EPHB2: variants seen among roughly 807,000 people sequenced by gnomAD.
EPHB2 encodes EPH receptor B2.
In EPHB2, 18 loss-of-function variants were observed where a neutral mutation model predicts 96.4. That is an observed-to-expected ratio of 0.19 (90% CI 0.13 to 0.28). The LOEUF (loss-of-function observed/expected upper bound fraction) is 0.28. Among genes scored for constraint, EPHB2 ranks in the 10% least tolerant of loss-of-function variants. EPHB2 has a pLI of 1.00. For missense variants in EPHB2, 989 were observed against 1,355.4 expected, an observed-to-expected ratio of 0.73 and a Z score of 4.25; for synonymous variants, 506 against 534.1, an observed-to-expected ratio of 0.95 and a Z score of 0.72.
At chr1:22,729,225 C>G (rs1390510191) in intron 1 of EPHB2, among the ~76,000 whole-genome samples, 1 of 152,194 alleles carries the variant, frequency 6.6e-6, no homozygotes, top group Non-Finnish European at 1.5e-5. Flanking sequence ...TGGAATGCCC[C>G]ATTCCGAGGG....
intron 1 of EPHB2, among the ~76,000 whole-genome samples, chr1:22,760,401 G>A (rs1644218747): frequency 6.6e-6 from 1 of 152,146 alleles, no homozygotes; most frequent in Admixed American, 6.5e-5. Context: ...TTTAAGGACA[G>A]GGACAACTCT....
Position 22,790,901 on chromosome 1 carries a change from CCT to C in EPHB2, c.811+5828_811+5829del, listed in dbSNP as rs1298093960. 3.3e-5 allele frequency among the ~76,000 whole-genome samples: 5 copies of C among 152,208 alleles called. No homozygotes were observed. The highest frequency in any genetic ancestry group is 5.9e-5 in the Non-Finnish European group (4 of 68,032). Reference sequence around the variant, plus strand: ...GCTGGGTTTCTCCTCCCAGCCTCTCCCTCTTGTCTGCCCTGCCCTGCTGTGCA... The same window carrying C: ...GCTGGGTTTCTCCTCCCAGCCTCTCCCTTGTCTGCCCTGCCCTGCTGTGCA... On this transcript the variant is annotated intron_variant, in intron 3 of 15. Coordinates refer to ENST00000374630, the MANE Select transcript of EPHB2 (RefSeq NM_017449.5). The surrounding 1 kb of genome is among the most constrained non-coding windows in gnomAD (Gnocchi z 4.0).
intron 3 of EPHB2, among the ~76,000 whole-genome samples, chr1:22,841,180 T>C (rs1171705238): frequency 1.3e-5 from 2 of 152,180 alleles, no homozygotes; most frequent in Non-Finnish European, 2.9e-5. Context: ...GCTCTAATCA[T>C]GGTATTAGTA....
intron 1 of EPHB2, among the ~76,000 whole-genome samples, chr1:22,721,957 GT>G (rs1170794314): frequency 1.3e-5 from 2 of 152,048 alleles, no homozygotes; most frequent in Non-Finnish European, 2.9e-5. Context: ...ACTGGTTTTT[GT>G]TTTGTTTTGT....
chr1:22,736,083 C>T lies in EPHB2; in HGVS notation c.61+25040C>T, dbSNP rs1286694223. Among the ~76,000 whole-genome samples the T allele has an allele frequency of 1.1e-4, 16 of 152,180 alleles. 1 individual carries two copies. The highest frequency in any genetic ancestry group is 1.0e-3 in the Admixed American group (16 of 15,280). On this transcript the variant is annotated intron_variant, in intron 1 of 15. Coordinates refer to ENST00000374630, the MANE Select transcript of EPHB2 (RefSeq NM_017449.5). ...ATAAATAGCACTAAGAGACATGTGG[C>T]CCTGTCCCTGGCCCAAAGGTAGTGC...
chr1:22,779,208 C>G (rs371887176), intron 1 of EPHB2, among the ~76,000 whole-genome samples: 8 of 152,192 alleles, frequency 5.3e-5, no homozygotes, highest in African/African-American at 4.8e-5. Context: ...GAAAAGGAAC[C>G]CTTTTTTCAG....
At position 22,757,863 on chromosome 1, in the gene EPHB2, C is replaced by T. The variant is rs533604749; in HGVS notation, c.62-23558C>T. 2.0e-4 allele frequency among the ~76,000 whole-genome samples: 4 copies of T among 20,300 alleles called. No homozygotes were observed. In the South Asian group the frequency reaches 0.038, roughly 195 times the overall value. 13.3% of individuals were successfully genotyped at this position (20,300 alleles called of 152,430 possible). On this transcript the variant is annotated intron_variant, in intron 1 of 15. Coordinates refer to ENST00000374630, the MANE Select transcript of EPHB2 (RefSeq NM_017449.5). Reference sequence around the variant, plus strand: ...GAGTGACATAGTGAGACCCTTTCCCCCCAGCAAAAAAAAATCAGACCATGC... The same window carrying T: ...GAGTGACATAGTGAGACCCTTTCCCTCCAGCAAAAAAAAATCAGACCATGC...
intron 3 of EPHB2, among the ~76,000 whole-genome samples, chr1:22,847,961 ATACT>A (rs1395671614): frequency 6.6e-6 from 1 of 151,886 alleles, no homozygotes; most frequent in African/African-American, 2.4e-5. Flanking sequence ...CTAGCTAATC[ATACT>A]CTCTCTCCCC....
chr1:22,733,011 ACT>A lies in EPHB2; in HGVS notation c.61+21973_61+21974del, dbSNP rs1162793573. Among the ~76,000 whole-genome samples, 1 of 151,604 alleles carries A rather than the reference ACT, an allele frequency of 6.6e-6. No homozygotes were observed. Among genetic ancestry groups the A allele is most frequent in the African/African-American group, 2.4e-5 (1 of 41,334 alleles). On this transcript the variant is annotated intron_variant, in intron 1 of 15. Transcript: ENST00000374630. This position sits in a 1 kb window ranked among gnomAD's most constrained non-coding sequence, Gnocchi z 4.6. ...TGAGTTTTAATCCAGGACTGTCCAG[ACT>A]CTCTGTATGTTCCCCCTCCTAGGCT...
intron 3 of EPHB2, among the ~76,000 whole-genome samples, chr1:22,851,265 T>C (rs1346590973): frequency 6.6e-6 from 1 of 152,240 alleles, no homozygotes; most frequent in Admixed American, 6.5e-5. Flanking sequence ...CCCAAAGTGC[T>C]GGGATTACAG....
At chr1:22,891,387 G>A (rs951288271) in intron 6 of EPHB2, 8 of 347,492 alleles carry the variant, frequency 2.3e-5, no homozygotes, top group Non-Finnish European at 2.8e-5. Context: ...ACAGATTTTC[G>A]TCAGAAAAAA....
chr1:22,763,539 C>G (rs530840327), intron 1 of EPHB2, among the ~76,000 whole-genome samples: 1 of 152,070 alleles, frequency 6.6e-6, no homozygotes, highest in African/African-American at 2.4e-5. Flanking sequence ...GCCCTCCCCC[C>G]CACTTCAAAT....
intron 9 of EPHB2, among the ~76,000 whole-genome samples, chr1:22,902,624 T>C (rs1405021160): frequency 6.6e-6 from 1 of 152,228 alleles, no homozygotes; most frequent in East Asian, 1.9e-4. Flanking sequence ...TTTTTACTTA[T>C]TGGGCACCCA....
chr1:22,852,020 C>T (rs1458465927), intron 3 of EPHB2, among the ~76,000 whole-genome samples: 1 of 152,210 alleles, frequency 6.6e-6, no homozygotes, highest in Non-Finnish European at 1.5e-5. Context: ...CCTCAAATTC[C>T]AGCTACCTAT....
At chr1:22,833,304 G>C (rs1297734096) in intron 3 of EPHB2, among the ~76,000 whole-genome samples, 1 of 151,956 alleles carries the variant, frequency 6.6e-6, no homozygotes, top group African/African-American at 2.4e-5. Flanking sequence ...TTTTTTGGTA[G>C]AGACAGGGTT....
intron 3 of EPHB2, among the ~76,000 whole-genome samples, chr1:22,799,846 G>A (rs1000681121): frequency 2.6e-5 from 4 of 152,178 alleles, no homozygotes; most frequent in Admixed American, 1.3e-4. Context: ...AAAAGATTCC[G>A]CCCTGGGGTC....
chr1:22,779,480 C>T (rs1216112632), intron 1 of EPHB2, among the ~76,000 whole-genome samples: 1 of 152,172 alleles, frequency 6.6e-6, no homozygotes, highest in Admixed American at 6.5e-5. Context: ...AATGCTTCCT[C>T]CTGTCCCCAC....
intron 1 of EPHB2, among the ~76,000 whole-genome samples, chr1:22,731,942 C>G (rs549691492): frequency 1.3e-5 from 2 of 152,334 alleles, no homozygotes; most frequent in East Asian, 1.9e-4. Flanking sequence ...CAGTCTTCAT[C>G]CCACCCAAGA....
intron 9 of EPHB2, among the ~76,000 whole-genome samples, chr1:22,904,859 A>G (rs938973364): frequency 3.3e-5 from 5 of 152,266 alleles, no homozygotes; most frequent in Non-Finnish European, 7.3e-5. Context: ...CATATGTCCA[A>G]GGTCACACAG....
Sources: gnomAD v4.1 joint callset for allele counts (sites outside exome capture counted in the v4.1 genomes callset) on GRCh38, gnomAD v4.1.1 for gene constraint, Gnocchi (gnomAD v3.1) non-coding constraint, MANE v1.5 for transcripts, NCBI Gene and HGNC (gene_info 2026-07-23, HGNC 2026-07-21) for gene names.